The following PIERCE2 variants were observed in gnomAD, a reference collection of about 807,000 sequenced individuals.
PIERCE2 encodes the protein piercer of microtubule wall 2 protein.
the PIERCE2 span, among the ~76,000 whole-genome samples, chr15:55,415,673 C>A: frequency 0.98 from 149,564 of 152,216 alleles, 73,525 homozygotes; most frequent in East Asian, 1. Flanking sequence ...AGAATGGAAC[C>A]GAACAGGACA....
chr15:55,415,558 C>T, the PIERCE2 span, among the ~76,000 whole-genome samples: 5 of 152,088 alleles, frequency 3.3e-5, no homozygotes, highest in South Asian at 1.0e-3. Context: ...GAGCAATTCC[C>T]GTCCCTCTTA....
the PIERCE2 span, chr15:55,411,173 A>G: frequency 6.6e-6 from 1 of 152,188 alleles, no homozygotes. Flanking sequence ...AAAGAAAATA[A>G]TAAAATTTGG....
chr15:55,410,694 T>G, the PIERCE2 span: 1 of 152,232 alleles, frequency 6.6e-6, no homozygotes, highest in Admixed American at 6.5e-5. Context: ...CTGAAGGAGA[T>G]AGTATTAACA....
At chr15:55,412,977 T>C in the PIERCE2 span, among the ~76,000 whole-genome samples, 1 of 151,984 alleles carries the variant, frequency 6.6e-6, no homozygotes, top group Admixed American at 6.6e-5. Flanking sequence ...AAAAAAATTA[T>C]AAAAATTAAG....
the PIERCE2 span, chr15:55,418,608 C>A: frequency 5.5e-6 from 7 of 1,280,068 alleles, no homozygotes; most frequent in South Asian, 3.2e-5. Context: ...AAAATATACT[C>A]GGGAAAAATG....
the PIERCE2 span, chr15:55,418,216 CT>C: frequency 6.4e-7 from 1 of 1,571,604 alleles, no homozygotes; most frequent in Non-Finnish European, 8.6e-7. Context: ...ATGTGTTTAT[CT>C]TTTAGGATAA....
the PIERCE2 span, among the ~76,000 whole-genome samples, chr15:55,414,636 T>C: frequency 6.6e-6 from 1 of 152,120 alleles, no homozygotes; most frequent in African/African-American, 2.4e-5. Context: ...CCCATCATTT[T>C]TGGAGGTTGA....
At chr15:55,414,367 G>A in the PIERCE2 span, among the ~76,000 whole-genome samples, 8 of 151,836 alleles carry the variant, frequency 5.3e-5, no homozygotes, top group South Asian at 2.1e-4. Flanking sequence ...GTGCCACCAC[G>A]CTTGGCTAAT....
At chr15:55,418,343 A>C in the PIERCE2 span, 2 of 1,541,190 alleles carry the variant, frequency 1.3e-6, no homozygotes, top group Non-Finnish European at 1.8e-6. Flanking sequence ...GACACTCCAG[A>C]CAGCCACCTC....
chr15:55,418,608 C>T, the PIERCE2 span: 29 of 1,279,960 alleles, frequency 2.3e-5, no homozygotes, highest in African/African-American at 2.3e-4. Context: ...AAAATATACT[C>T]GGGAAAAATG....
At chr15:55,417,400 A>G in the PIERCE2 span, among the ~76,000 whole-genome samples, 4 of 151,910 alleles carry the variant, frequency 2.6e-5, no homozygotes, top group Non-Finnish European at 5.9e-5. Context: ...AAGAACCCCC[A>G]TTCTGTCTTC....
chr15:55,413,420 T>C, the PIERCE2 span, among the ~76,000 whole-genome samples: 1 of 152,048 alleles, frequency 6.6e-6, no homozygotes, highest in Non-Finnish European at 1.5e-5. Flanking sequence ...AAAAACTTTC[T>C]CCCTTCTCCA....
the PIERCE2 span, among the ~76,000 whole-genome samples, chr15:55,415,156 T>A: frequency 6.6e-6 from 1 of 151,858 alleles, no homozygotes; most frequent in Non-Finnish European, 1.5e-5. Context: ...ACAAAACCCC[T>A]CAGACACCGA....
At chr15:55,412,295 C>A in the PIERCE2 span, among the ~76,000 whole-genome samples, 1 of 152,024 alleles carries the variant, frequency 6.6e-6, no homozygotes, top group African/African-American at 2.4e-5. Flanking sequence ...TGCTACTCTT[C>A]CAATATATCA....
chr15:55,416,358 C>A, the PIERCE2 span, among the ~76,000 whole-genome samples: 1 of 152,068 alleles, frequency 6.6e-6, no homozygotes, highest in African/African-American at 2.4e-5. Flanking sequence ...CCTTGGCCTC[C>A]CAAAGTGCTG....
chr15:55,409,253 A>G, the PIERCE2 span, among the ~76,000 whole-genome samples: 1 of 152,078 alleles, frequency 6.6e-6, no homozygotes, highest in Non-Finnish European at 1.5e-5. Context: ...TAAATACAAA[A>G]AATTAGCCAG....
At chr15:55,417,211 A>C in the PIERCE2 span, among the ~76,000 whole-genome samples, 12 of 152,212 alleles carry the variant, frequency 7.9e-5, no homozygotes, top group Non-Finnish European at 1.5e-4. Context: ...CAGTCAACAA[A>C]ACCCTAAGAG....
At chr15:55,409,463 G>GT in the PIERCE2 span, among the ~76,000 whole-genome samples, 1 of 152,034 alleles carries the variant, frequency 6.6e-6, no homozygotes, top group Non-Finnish European at 1.5e-5. Context: ...AAAAGTTTAG[G>GT]TTTCATTCTC....
At chr15:55,409,042 G>A in the PIERCE2 span, among the ~76,000 whole-genome samples, 25 of 152,164 alleles carry the variant, frequency 1.6e-4, no homozygotes, top group African/African-American at 5.8e-4. Flanking sequence ...TTTTGAACAA[G>A]AAAAACGTAC....
Sources: allele counts gnomAD v4.1 joint callset (sites outside exome capture counted in the v4.1 genomes callset), GRCh38; gene constraint gnomAD v4.1.1; transcripts MANE v1.5; gene names NCBI Gene and HGNC (gene_info 2026-07-23, HGNC 2026-07-21).